The following EDA variants were observed in gnomAD, a reference collection of about 807,000 sequenced individuals.
EDA encodes the protein ectodysplasin-A.
In EDA, 2 loss-of-function variants were observed where a neutral mutation model predicts 23.6. The ratio of observed to expected loss-of-function variants is 0.08; its 90% confidence interval spans 0.03 to 0.27. The LOEUF (loss-of-function observed/expected upper bound fraction) is 0.27. Ranked by LOEUF, EDA falls within the 10% of genes least tolerant of loss-of-function variation. The pLI is 1.00. For synonymous variants in EDA, 131 were observed against 132.0 expected, an observed-to-expected ratio of 0.99 and a Z score of 0.05; for missense variants, 229 against 324.2, an observed-to-expected ratio of 0.71 and a Z score of 2.26.
intron 1 of EDA, among the ~76,000 whole-genome samples, chrX:69,922,291 G>A (rs184048883): frequency 2.7e-5 from 3 of 112,040 alleles, no homozygotes; most frequent in Admixed American, 9.5e-5. Flanking sequence ...TTGTGTAATC[G>A]TAAGTTTCAA....
Position 70,038,878 on chromosome X carries a change from G to A in EDA, c.*3269G>A, listed in dbSNP as rs1268095186. The A allele has an allele frequency of 8.9e-6, 1 of 112,594 alleles. No homozygotes were observed. Among genetic ancestry groups the A allele is most frequent in the Non-Finnish European group, 1.9e-5 (1 of 53,291 alleles). 9.3% of individuals were successfully genotyped at this position (112,594 alleles called of 1,213,427 possible). A position where few individuals can be genotyped will look rare whatever the true frequency, so the allele number is the denominator to read the frequency against. On this transcript the variant is annotated 3_prime_UTR_variant, in exon 8 of 8. Coordinates refer to ENST00000374552, the MANE Select transcript of EDA (RefSeq NM_001399.5). ...AGAGAGGGAAGATGACCTGCCCCAA[G>A]TGGTGAGCAAGCACCAACCTCCAGA...
At chrX:69,696,140 G>A (rs1359409956) in intron 1 of EDA, among the ~76,000 whole-genome samples, 1 of 110,301 alleles carries the variant, frequency 9.1e-6, no homozygotes, top group Non-Finnish European at 1.9e-5. Context: ...TTGGGAGGCT[G>A]AGGTGGGAGA....
intron 1 of EDA, among the ~76,000 whole-genome samples, chrX:69,746,588 T>C (rs1353829039): frequency 3.6e-5 from 4 of 111,051 alleles, no homozygotes; most frequent in South Asian, 3.8e-4. Context: ...AGGGTATAAA[T>C]TGAAGTTTGG....
At chrX:69,926,018 A>T (rs1282067544) in intron 1 of EDA, among the ~76,000 whole-genome samples, 3 of 109,959 alleles carry the variant, frequency 2.7e-5, no homozygotes, top group Non-Finnish European at 5.7e-5. Flanking sequence ...CCCCATTATT[A>T]TTTTTTATTG....
chrX:69,832,168 T>C (rs1437318672), intron 1 of EDA, among the ~76,000 whole-genome samples: 2 of 112,084 alleles, frequency 1.8e-5, no homozygotes, highest in African/African-American at 6.5e-5. Context: ...TTTATGGTTT[T>C]AGGTCTAACA....
chrX:69,721,800 A>G (rs953288931), intron 1 of EDA, among the ~76,000 whole-genome samples: 2 of 110,974 alleles, frequency 1.8e-5, no homozygotes, highest in African/African-American at 3.3e-5. Flanking sequence ...TCACTCTCAT[A>G]GTTTCCTTTG....
At chrX:70,021,828 C>T (rs1381196709) in intron 2 of EDA, among the ~76,000 whole-genome samples, 1 of 112,202 alleles carries the variant, frequency 8.9e-6, no homozygotes, top group Non-Finnish European at 1.9e-5. Flanking sequence ...CCTGTGAAAG[C>T]TCTGATGGCC....
intron 1 of EDA, among the ~76,000 whole-genome samples, chrX:69,910,132 A>T (rs2042913403): frequency 9.0e-6 from 1 of 110,527 alleles, no homozygotes; most frequent in African/African-American, 3.3e-5. Context: ...AAGTAGATGG[A>T]ATTACTCATA....
chrX:69,626,868 AG>A (rs1341071363), intron 1 of EDA, among the ~76,000 whole-genome samples: 1 of 111,959 alleles, frequency 8.9e-6, no homozygotes, highest in Non-Finnish European at 1.9e-5. Context: ...TATATAAAGT[AG>A]TTTTTTTTAA....
chrX:69,991,052 A>G (rs1228073056), intron 2 of EDA, among the ~76,000 whole-genome samples: 2 of 109,724 alleles, frequency 1.8e-5, no homozygotes, highest in African/African-American at 6.6e-5. Flanking sequence ...TTTAACTTCT[A>G]TTTTTTTGTT....
intron 1 of EDA, among the ~76,000 whole-genome samples, chrX:69,775,871 C>T (rs1386327934): frequency 9.0e-6 from 1 of 111,677 alleles, no homozygotes; most frequent in Non-Finnish European, 1.9e-5. Context: ...TTCTAAATGG[C>T]AGCAATTTTT....
chrX:69,756,442 A>G (rs1369776618), intron 1 of EDA, among the ~76,000 whole-genome samples: 1 of 111,603 alleles, frequency 9.0e-6, no homozygotes, highest in Non-Finnish European at 1.9e-5. Flanking sequence ...TATAAGCAGC[A>G]CATTTATCTT....
intron 1 of EDA, among the ~76,000 whole-genome samples, chrX:69,822,841 TC>T (rs2016270593): frequency 1.8e-5 from 1 of 55,701 alleles, no homozygotes; most frequent in African/African-American, 7.3e-5. Flanking sequence ...ATGCTATCCC[TC>T]CCCCCTCCCC....
At chrX:69,736,356 T>C (rs143579984) in intron 1 of EDA, among the ~76,000 whole-genome samples, 1,733 of 111,197 alleles carry the variant, frequency 0.016, 31 homozygotes, top group African/African-American at 0.055. Context: ...TTTTGTTTTT[T>C]GAGACAGAGT....
intron 1 of EDA, among the ~76,000 whole-genome samples, chrX:69,880,248 C>T (rs2017723518): frequency 1.8e-5 from 2 of 111,502 alleles, no homozygotes; most frequent in South Asian, 3.8e-4. Context: ...TTTTCATTCA[C>T]CTTTTCAGCT....
At chrX:69,743,912 G>A (rs1287329428) in intron 1 of EDA, among the ~76,000 whole-genome samples, 1 of 111,827 alleles carries the variant, frequency 8.9e-6, no homozygotes, top group African/African-American at 3.3e-5. Context: ...GACATTTTAT[G>A]AGATACCAGA....
intron 1 of EDA, among the ~76,000 whole-genome samples, chrX:69,804,743 A>C (rs1035897717): frequency 4.5e-5 from 5 of 111,006 alleles, no homozygotes; most frequent in Non-Finnish European, 9.5e-5. Context: ...CTCCTTCCAA[A>C]CTCTGAATTC....
At chrX:70,018,530 A>T (rs1194022668) in intron 2 of EDA, among the ~76,000 whole-genome samples, 1 of 111,741 alleles carries the variant, frequency 8.9e-6, no homozygotes, top group African/African-American at 3.3e-5. Context: ...AAATAATGTC[A>T]CACACCTATG....
At chrX:69,813,170 A>C (rs1292981957) in intron 1 of EDA, among the ~76,000 whole-genome samples, 1 of 111,570 alleles carries the variant, frequency 9.0e-6, no homozygotes, top group African/African-American at 3.3e-5. Context: ...TACCTTTCTC[A>C]TGAGCACTGC....
Sources: gnomAD v4.1 joint callset for allele counts (sites outside exome capture counted in the v4.1 genomes callset) on GRCh38, gnomAD v4.1.1 for gene constraint, MANE v1.5 for transcripts, NCBI Gene and HGNC (gene_info 2026-07-23, HGNC 2026-07-21) for gene names.